The following MRFAP1L1 variants were observed in gnomAD, a reference collection of about 807,000 sequenced individuals.
MRFAP1L1 encodes MORF4 family-associated protein 1-like 1.
Under a neutral mutation model 10.6 loss-of-function variants are expected in MRFAP1L1, and 9 were observed. The observed-to-expected ratio is 0.85, with a 90% CI of 0.51 to 1.48. The LOEUF (loss-of-function observed/expected upper bound fraction) is 1.48, where lower values mean the gene tolerates loss of function less well. Among genes scored for constraint, MRFAP1L1 ranks in the 40% most tolerant of loss-of-function variants. The pLI is 0.00. For synonymous variants in MRFAP1L1, 78 were observed against 70.4 expected (o/e 1.11, Z -0.54); for missense variants, 177 against 171.4 (o/e 1.03, Z -0.18).
Position 6,709,729 on chromosome 4 carries a change from C to T in MRFAP1L1, c.-100G>A, listed in dbSNP as rs1714733561. 1 of 1,454,440 alleles carries T rather than the reference C, an allele frequency of 6.9e-7. No individual in the cohort carries two copies. Among genetic ancestry groups the T allele is most frequent in the South Asian group, 1.4e-5 (1 of 73,776 alleles). The allele number at this position is 1,454,440 out of a possible 1,614,324, so 90.1% of individuals were successfully genotyped here. A position where few individuals can be genotyped will look rare whatever the true frequency, so the allele number is the denominator to read the frequency against. On this transcript the variant is annotated 5_prime_UTR_variant, in exon 1 of 2. Coordinates refer to ENST00000320848, the MANE Select transcript of MRFAP1L1 (RefSeq NM_203462.3). ...CAGTTACTGCTGGAGGCTGAGCGAC[C>T]CACACGCTTTGTCAATTGTACTCCC... is the stretch of plus-strand genomic sequence containing the variant.
At position 6,709,570 on chromosome 4, in the gene MRFAP1L1, G is replaced by A. The variant is rs368311983; in HGVS notation, c.60C>T (p.Pro20=). ...GCAGGAACTGCTCGAAATCCTCCTC[G>A]GGCTCCAGCACCTCCACTTCCTCAG... is the stretch of plus-strand genomic sequence containing the variant. ...EAPEEVEVLE[P]EEDFEQFLLP... is the part of the protein sequence containing the mutation. The change falls in exon 1 of 2, where the codon CCC becomes CCT. Residue 20 remains proline, a synonymous_variant. Transcript: ENST00000320848. 1 of 1,614,114 alleles carries A rather than the reference G, an allele frequency of 6.2e-7. No homozygotes were observed. The highest frequency in any genetic ancestry group is 1.3e-5 in the African/African-American group (1 of 75,032).
Position 6,707,882 on chromosome 4 carries a change from T to C in MRFAP1L1, c.*777A>G, listed in dbSNP as rs528865005. ...TACCCTGATGAACTGGAAGAGACTT[T>C]CCAGGCCCTGATAATGTCTTTTCCT... On this transcript the variant is annotated 3_prime_UTR_variant, in exon 2 of 2. Coordinates refer to ENST00000320848, the MANE Select transcript of MRFAP1L1 (RefSeq NM_203462.3). 1.3e-5 allele frequency: 2 copies of C among 152,638 alleles called. No individual in the cohort carries two copies. Among genetic ancestry groups the C allele is most frequent in the East Asian group, 3.9e-4 (2 of 5,192 alleles). The allele number at this position is 152,638 out of a possible 1,614,324, so 9.5% of individuals were successfully genotyped here.
Position 6,708,137 on chromosome 4 carries a change from A to C in MRFAP1L1, c.*522T>G, listed in dbSNP as rs2108799075. The C allele has an allele frequency of 6.5e-6, 1 of 152,798 alleles. No homozygotes were observed. Among genetic ancestry groups the C allele is most frequent in the Non-Finnish European group, 1.5e-5 (1 of 68,040 alleles). 9.5% of individuals were successfully genotyped at this position (152,798 alleles called of 1,614,324 possible). On this transcript the variant is annotated 3_prime_UTR_variant, in exon 2 of 2. Transcript: ENST00000320848. ...CTCACAGAGGAACTAAAGTTCCAAA[A>C]TATATACAAAACCATCTTCCATCTC...
Position 6,709,231 on chromosome 4 carries a change from C to T in MRFAP1L1, c.*15G>A, listed in dbSNP as rs892397118. On this transcript the variant is annotated splice_region_variant and 3_prime_UTR_variant, in exon 1 of 2. Transcript: ENST00000320848. ...AGCTCCAGCTAGTTTCCGACCTTACCACCGATCTCCTCCTTCAAGAAGACT... is the reference window on the plus strand; with the variant it reads ...AGCTCCAGCTAGTTTCCGACCTTACTACCGATCTCCTCCTTCAAGAAGACT... The T allele has an allele frequency of 3.7e-6, 6 of 1,610,726 alleles. No homozygotes were observed. The African/African-American group carries it at 8.0e-5, about 22-fold the overall frequency.
rs955494194 is a variant in MRFAP1L1, at chr4:6,708,110, G to A, written c.*549C>T. On this transcript the variant is annotated 3_prime_UTR_variant, in exon 2 of 2. Transcript: ENST00000320848. The stretch of plus-strand genomic sequence containing the variant: ...CCACAAAACATAGCTCTCCTCTTTC[G>A]TCTCACAGAGGAACTAAAGTTCCAA... 1.3e-5 allele frequency: 2 copies of A among 152,558 alleles called. No individual in the cohort carries two copies. The highest frequency in any genetic ancestry group is 2.9e-5 in the Non-Finnish European group (2 of 68,028). 9.5% of individuals were successfully genotyped at this position (152,558 alleles called of 1,614,324 possible). A position where few individuals can be genotyped will look rare whatever the true frequency, so the allele number is the denominator to read the frequency against.
rs1395577810 is a variant in MRFAP1L1, at chr4:6,707,849, A to T, written c.*810T>A. Reference sequence around the variant, plus strand: ...TTTTGACTTTGACCTCCAATCTGACAGGTCTACTACCCTGATGAACTGGAA... The same window carrying T: ...TTTTGACTTTGACCTCCAATCTGACTGGTCTACTACCCTGATGAACTGGAA... On this transcript the variant is annotated 3_prime_UTR_variant, in exon 2 of 2. Coordinates refer to ENST00000320848, the MANE Select transcript of MRFAP1L1 (RefSeq NM_203462.3). 1 of 152,514 alleles carries T rather than the reference A, an allele frequency of 6.6e-6. No individual in the cohort carries two copies. The highest frequency in any genetic ancestry group is 2.4e-5 in the African/African-American group (1 of 41,434). 9.4% of individuals were successfully genotyped at this position (152,514 alleles called of 1,614,324 possible).
chr4:6,709,357 C>G lies in MRFAP1L1; in HGVS notation c.273G>C (p.Glu91Asp). Residue 91 changes from glutamate to aspartate, a missense_variant, in exon 1 of 2, where the codon GAG becomes GAC. By Grantham distance (45) the Glu-to-Asp change is conservative (BLOSUM62 2). Transcript: ENST00000320848. ...HVQHPSGEAD[E>D]RVSELCEKAE... ...CCTTCTCGCACAACTCCGACACTCT[C>G]TCGTCGGCTTCGCCACTCGGGTGCT... 6.2e-7 allele frequency: 1 copy of G among 1,614,288 alleles called. No individual in the cohort carries two copies. Among genetic ancestry groups the G allele is most frequent in the Non-Finnish European group, 8.5e-7 (1 of 1,180,050 alleles).
Position 6,709,296 on chromosome 4 carries a change from C to T in MRFAP1L1, c.334G>A (p.Glu112Lys). The T allele has an allele frequency of 6.2e-7, 1 of 1,614,270 alleles. No individual in the cohort carries two copies. Residue 112 changes from glutamate to lysine, a missense_variant, in exon 1 of 2, where the codon GAG becomes AAG. Physicochemically the swap from Glu to Lys is moderately conservative, Grantham distance 56 (BLOSUM62 1). Coordinates refer to ENST00000320848, the MANE Select transcript of MRFAP1L1 (RefSeq NM_203462.3). ...CGCCAGACGAGCTCGACCAGCATCT[C>T]TGCCATCTTCGCAATCTCCTTGGCT... ...EKAKEIAKMA[E>K]MLVELVWRIE...
Position 6,709,522 on chromosome 4 carries a change from G to C in MRFAP1L1, c.108C>G (p.Arg36=). 1 of 1,614,262 alleles carries C rather than the reference G, an allele frequency of 6.2e-7. No homozygotes were observed. The highest frequency in any genetic ancestry group is 8.5e-7 in the Non-Finnish European group (1 of 1,180,046). The change falls in exon 1 of 2, where the codon CGC becomes CGG. Residue 36 remains arginine, a synonymous_variant. Transcript: ENST00000320848. The stretch of plus-strand genomic sequence containing the variant: ...CGCGTATAAGAGACGCGATGTCCTC[G>C]CGCATCTCGTTGATGACCGGGAGCA... ...QFLLPVINEM[R]EDIASLIREH...
rs1453070421 is a variant in MRFAP1L1, at chr4:6,709,308, C to T, written c.322G>A (p.Ala108Thr). The change falls in exon 1 of 2, where the codon GCG becomes ACG. Residue 108 changes from alanine (A) to threonine (T), a missense_variant. Physicochemically the swap from Ala to Thr is moderately conservative, Grantham distance 58 (BLOSUM62 0). Coordinates refer to ENST00000320848, the MANE Select transcript of MRFAP1L1 (RefSeq NM_203462.3). The part of the protein sequence containing the change: ...EKAEEKAKEI[A>T]KMAEMLVELV... ...TCGACCAGCATCTCTGCCATCTTCGCAATCTCCTTGGCTTTCTCCTCAGCC... is the reference window on the plus strand; with the variant it reads ...TCGACCAGCATCTCTGCCATCTTCGTAATCTCCTTGGCTTTCTCCTCAGCC... 6.2e-7 allele frequency: 1 copy of T among 1,614,272 alleles called. No homozygotes were observed.
rs756813918 is a variant in MRFAP1L1 at position 6,709,264 on chromosome 4, C to T, written c.366G>A (p.Glu122=). 1.2e-6 allele frequency: 2 copies of T among 1,613,798 alleles called. No individual in the cohort carries two copies. The highest frequency in any genetic ancestry group is 2.2e-5 in the East Asian group (1 of 44,880). ...EMLVELVWRI[E]RSESS is the part of the protein sequence containing the mutation. ...TCCTCCTTCAAGAAGACTCGCTTCTCTCTATTCGCCAGACGAGCTCGACCA... is the reference window on the plus strand; with the variant it reads ...TCCTCCTTCAAGAAGACTCGCTTCTTTCTATTCGCCAGACGAGCTCGACCA... Residue 122 remains glutamate, a synonymous_variant, in exon 1 of 2, where the codon GAG becomes GAA. Transcript: ENST00000320848.
rs745462730 is a variant in MRFAP1L1 at position 6,709,352 on chromosome 4, ACT to A, written c.276_277del (p.Arg92SerfsTer9). ...CTCAGCCTTCTCGCACAACTCCGAC[ACT>A]CTCTCGTCGGCTTCGCCACTCGGGT... On this transcript the variant is annotated frameshift_variant, in exon 1 of 2. Coordinates refer to ENST00000320848, the MANE Select transcript of MRFAP1L1 (RefSeq NM_203462.3). LOFTEE classifies it high-confidence loss of function. 10 of 1,613,884 alleles carry A rather than the reference ACT, an allele frequency of 6.2e-6. No homozygotes were observed. The East Asian group carries it at 1.1e-4, about 18-fold the overall frequency.
chr4:6,708,984 G>A (rs1192050187), intron 1 of MRFAP1L1: 7 of 504,268 alleles, frequency 1.4e-5, no homozygotes, highest in Non-Finnish European at 2.5e-5. Flanking sequence ...CAAAACCGAA[G>A]TTACTGTTAT....
Position 6,709,762 on chromosome 4 carries a change from CT to C in MRFAP1L1, c.-134del. The C allele has an allele frequency of 8.3e-7, 1 of 1,199,814 alleles. No individual in the cohort carries two copies. The highest frequency in any genetic ancestry group is 1.2e-6 in the Non-Finnish European group (1 of 869,216). 74.3% of individuals were successfully genotyped at this position (1,199,814 alleles called of 1,614,324 possible). ...TTTGTCAATTGTACTCCCGAATTATCTTTATTTTTTTTTCTTCCTTTTAATT... is the reference window on the plus strand; with the variant it reads ...TTTGTCAATTGTACTCCCGAATTATCTTATTTTTTTTTCTTCCTTTTAATT... On this transcript the variant is annotated 5_prime_UTR_variant, in exon 1 of 2. Coordinates refer to ENST00000320848, the MANE Select transcript of MRFAP1L1 (RefSeq NM_203462.3).
Position 6,708,150 on chromosome 4 carries a change from C to G in MRFAP1L1, c.*509G>C, listed in dbSNP as rs1714652854. 2 of 152,624 alleles carry G rather than the reference C, an allele frequency of 1.3e-5. No individual in the cohort carries two copies. Among genetic ancestry groups the G allele is most frequent in the African/African-American group, 4.8e-5 (2 of 41,440 alleles). The allele number at this position is 152,624 out of a possible 1,614,324, so 9.5% of individuals were successfully genotyped here. A position where few individuals can be genotyped will look rare whatever the true frequency, so the allele number is the denominator to read the frequency against. On this transcript the variant is annotated 3_prime_UTR_variant, in exon 2 of 2. Coordinates refer to ENST00000320848, the MANE Select transcript of MRFAP1L1 (RefSeq NM_203462.3). Reference sequence around the variant, plus strand: ...TAAAGTTCCAAAATATATACAAAACCATCTTCCATCTCCAACTGTCTTCTC... The same window carrying G: ...TAAAGTTCCAAAATATATACAAAACGATCTTCCATCTCCAACTGTCTTCTC...
rs4234780 is a variant in MRFAP1L1 at position 6,709,008 on chromosome 4, A to C, written c.*15+223T>G. 552,438 of 556,482 alleles carry C rather than the reference A, an allele frequency of 0.99. 274,304 individuals carry two copies. Among genetic ancestry groups the C allele is most frequent in the Non-Finnish European group, 1 (311,283 of 311,342 alleles). The allele number at this position is 556,482 out of a possible 1,614,324, so 34.5% of individuals were successfully genotyped here. A position where few individuals can be genotyped will look rare whatever the true frequency, so the allele number is the denominator to read the frequency against. On this transcript the variant is annotated intron_variant, in intron 1 of 1. Coordinates refer to ENST00000320848, the MANE Select transcript of MRFAP1L1 (RefSeq NM_203462.3). ...AGTTACTGTTATCTTTCTCTAATTAACAGCGTGGGAGGGAGAGGCCACAAA... is the reference window on the plus strand; with the variant it reads ...AGTTACTGTTATCTTTCTCTAATTACCAGCGTGGGAGGGAGAGGCCACAAA...
rs148951084 is a variant in MRFAP1L1 at position 6,709,472 on chromosome 4, G to T, written c.158C>A (p.Thr53Asn). Residue 53 changes from threonine to asparagine, a missense_variant, in exon 1 of 2, where the codon ACC becomes AAC. Thr to Asn is a moderately conservative substitution (Grantham distance 65). Transcript: ENST00000320848. ...IREHGRAYLR[T>N]RSKLWEMDNM... ...GTCCATCTCCCACAGCTTGCTCCTG[G>T]TCCGCAGGTACGCCCGCCCGTGCTC... 283 of 1,614,110 alleles carry T rather than the reference G, an allele frequency of 1.8e-4. 1 individual carries two copies. Among genetic ancestry groups the T allele is most frequent in the Non-Finnish European group, 2.2e-4 (264 of 1,180,054 alleles).
chr4:6,709,134 T>C, intron 1 of MRFAP1L1, 97 bp downstream of exon 1: 2 of 1,313,430 alleles, frequency 1.5e-6, no homozygotes, highest in Non-Finnish European at 2.1e-6. Flanking sequence ...AAATGGGGGA[T>C]GCAGGCCTAG....
chr4:6,709,494 G>T lies in MRFAP1L1; in HGVS notation c.136C>A (p.His46Asn). The part of the protein sequence containing the change: ...REDIASLIRE[H>N]GRAYLRTRSK... ...CTGGTCCGCAGGTACGCCCGCCCGTGCTCGCGTATAAGAGACGCGATGTCC... is the reference window on the plus strand; with the variant it reads ...CTGGTCCGCAGGTACGCCCGCCCGTTCTCGCGTATAAGAGACGCGATGTCC... The change falls in exon 1 of 2, where the codon CAC becomes AAC. Residue 46 changes from histidine (H) to asparagine (N), a missense_variant. His to Asn is a moderately conservative substitution (Grantham distance 68). Coordinates refer to ENST00000320848, the MANE Select transcript of MRFAP1L1 (RefSeq NM_203462.3). 1.9e-6 allele frequency: 3 copies of T among 1,614,268 alleles called. No individual in the cohort carries two copies. Among genetic ancestry groups the T allele is most frequent in the Non-Finnish European group, 2.5e-6 (3 of 1,180,044 alleles).
Sources: allele counts gnomAD v4.1 joint callset, GRCh38; gene constraint gnomAD v4.1.1; transcripts MANE v1.5; gene names NCBI Gene and HGNC (gene_info 2026-07-23, HGNC 2026-07-21).